Variants in MTCL1 observed in about 807,000 individuals in gnomAD.
MTCL1 encodes microtubule crosslinking factor 1.
MTCL1 carries 79 observed loss-of-function variants against 141.4 expected under a neutral mutation model. That is an observed-to-expected ratio of 0.56 (90% confidence interval 0.47 to 0.67). MTCL1 has a LOEUF of 0.67. Ranked by LOEUF, MTCL1 falls within the 30% of genes least tolerant of loss-of-function variation. The probability of loss-of-function intolerance (pLI) is 0.00; values close to 1 mark genes in which losing one functional copy is unlikely to be tolerated. For missense variants in MTCL1, 2,177 were observed against 2,113.9 expected (o/e 1.03, Z -0.59); for synonymous variants, 914 against 875.8 (o/e 1.04, Z -0.77).
intron 4 of MTCL1, among the ~76,000 whole-genome samples, chr18:8,751,449 A>G (rs951451464): frequency 2.4e-4 from 37 of 152,234 alleles, no homozygotes; most frequent in Non-Finnish European, 4.8e-4. Context: ...AAAGTGGGCC[A>G]CCTAAATCCT....
At position 8,711,929 on chromosome 18, in the gene MTCL1, G is replaced by C. The variant is rs573319281; in HGVS notation, c.1053+5216G>C. Among the ~76,000 whole-genome samples, 321 of 152,246 alleles carry C rather than the reference G, an allele frequency of 2.1e-3. 2 individuals carry two copies. The highest frequency in any genetic ancestry group is 7.1e-3 in the African/African-American group (295 of 41,552). ...AGGCTGCCAAGACTGTGTTTTGCTC[G>C]AGTGCTCGGAGACAGTCAGACAAGC... On this transcript the variant is annotated intron_variant, in intron 1 of 13. Coordinates refer to the MTCL1 transcript ENST00000306329.
chr18:8,786,005 C>G (rs375862127), exon 7 of MTCL1: 1 of 1,607,496 alleles, frequency 6.2e-7, no homozygotes. Flanking sequence ...GAGCCTGCGC[C>G]TCCGAGCCGC....
At chr18:8,767,893 C>T (rs977064355) in intron 4 of MTCL1, among the ~76,000 whole-genome samples, 2 of 152,028 alleles carry the variant, frequency 1.3e-5, no homozygotes, top group Middle Eastern at 3.2e-3. Flanking sequence ...CCAAACATTT[C>T]CAAGACAAAA....
At chr18:8,761,696 G>A (rs2096433410) in intron 4 of MTCL1, among the ~76,000 whole-genome samples, 1 of 152,202 alleles carries the variant, frequency 6.6e-6, no homozygotes, top group Non-Finnish European at 1.5e-5. Context: ...CATGGTGGAA[G>A]GTGAAAGGCA....
At chr18:8,825,880 A>C (rs758648347) in exon 15 of MTCL1, 2 of 1,614,018 alleles carry the variant, frequency 1.2e-6, no homozygotes, top group Admixed American at 1.7e-5. Context: ...CCCGTGGTGC[A>C]GGACCCCTTC....
intron 4 of MTCL1, among the ~76,000 whole-genome samples, chr18:8,747,143 C>G (rs901500799): frequency 1.2e-4 from 19 of 152,342 alleles, no homozygotes; most frequent in African/African-American, 4.6e-4. Context: ...CTCTTGTGGT[C>G]TGGACACCAC....
At chr18:8,816,627 A>G (rs1330620247) in intron 12 of MTCL1, among the ~76,000 whole-genome samples, 1 of 152,226 alleles carries the variant, frequency 6.6e-6, no homozygotes, top group Non-Finnish European at 1.5e-5. Context: ...GTACTTGTCA[A>G]GCAAAAAGGG....
chr18:8,712,565 A>G (rs2096100349), upstream of MTCL1, among the ~76,000 whole-genome samples: 1 of 152,186 alleles, frequency 6.6e-6, no homozygotes, highest in African/African-American at 2.4e-5. Flanking sequence ...CATGGACAGT[A>G]TTCCCCATTC....
intron 4 of MTCL1, among the ~76,000 whole-genome samples, chr18:8,729,745 A>G (rs1293656863): frequency 3.4e-5 from 4 of 118,734 alleles, no homozygotes; most frequent in African/African-American, 3.4e-5. Flanking sequence ...GTTTGCAAAT[A>G]TTTTCTCTTA....
exon 3 of MTCL1, chr18:8,718,647 A>C: frequency 6.2e-7 from 1 of 1,612,532 alleles, no homozygotes; most frequent in Non-Finnish European, 8.5e-7. Flanking sequence ...CAGGACTTGA[A>C]GGTGAGTGAG....
At chr18:8,793,835 G>A (rs929354016) in intron 8 of MTCL1, among the ~76,000 whole-genome samples, 1 of 152,226 alleles carries the variant, frequency 6.6e-6, no homozygotes, top group Non-Finnish European at 1.5e-5. Context: ...AATAGAGCAC[G>A]TTGGTGTTTT....
At chr18:8,769,104 A>G (rs1204134530) in intron 4 of MTCL1, among the ~76,000 whole-genome samples, 2 of 152,220 alleles carry the variant, frequency 1.3e-5, no homozygotes, top group African/African-American at 4.8e-5. Flanking sequence ...CAGGAACAGA[A>G]TATTTTCTAA....
chr18:8,743,664 G>A (rs1350319877), intron 4 of MTCL1, among the ~76,000 whole-genome samples: 1 of 152,234 alleles, frequency 6.6e-6, no homozygotes, highest in African/African-American at 2.4e-5. Flanking sequence ...AGCAATGGCG[G>A]GCTGAGAGCT....
rs1237465111 is a variant in MTCL1 at position 8,828,760 on chromosome 18, G to A, written c.4723-148G>A. 5.3e-5 allele frequency: 71 copies of A among 1,334,694 alleles called. No homozygotes were observed. The Admixed American group carries it at 7.9e-4, about 15-fold the overall frequency. The allele number at this position is 1,334,694 out of a possible 1,614,324, so 82.7% of individuals were successfully genotyped here. On this transcript the variant is annotated intron_variant, in intron 15 of 16. Transcript: ENST00000359865. This position sits in a 1 kb window ranked among gnomAD's most constrained non-coding sequence, Gnocchi z 5.2. The stretch of plus-strand genomic sequence containing the variant: ...GTGAATGTGCTAGATCTGAGAGCCC[G>A]CAAGTCTCTCCTGGTGGCTACCCCT...
At chr18:8,744,507 A>G (rs1018923339) in intron 4 of MTCL1, among the ~76,000 whole-genome samples, 2 of 152,202 alleles carry the variant, frequency 1.3e-5, no homozygotes, top group African/African-American at 4.8e-5. Context: ...ATTCTGAGAT[A>G]AAAACTTCTC....
At chr18:8,813,012 C>T (rs1312964648) in exon 12 of MTCL1, 1 of 1,613,810 alleles carries the variant, frequency 6.2e-7, no homozygotes, top group African/African-American at 1.3e-5. Context: ...GTTGGGAGAA[C>T]TAGGCTCCTC....
intron 8 of MTCL1, among the ~76,000 whole-genome samples, chr18:8,794,757 T>C (rs1188171680): frequency 6.6e-6 from 1 of 152,236 alleles, no homozygotes; most frequent in Non-Finnish European, 1.5e-5. Context: ...AGGTGAACTC[T>C]GTTCCTCATT....
At position 8,831,062 on chromosome 18, in the gene MTCL1, G is replaced by T. The variant is rs2077177515; in HGVS notation, c.*19-545G>T. On this transcript the variant is annotated intron_variant, in intron 16 of 16. Transcript: ENST00000359865. ...CATTTTTGCCATGTTGTGGGAGTTT[G>T]TTTAAGCTACTCCCAGTCAATTTCA... is the stretch of plus-strand genomic sequence containing the variant. 3.0e-6 allele frequency: 3 copies of T among 985,690 alleles called. No individual in the cohort carries two copies. The South Asian group carries it at 1.4e-4, about 46-fold the overall frequency. The allele number at this position is 985,690 out of a possible 1,614,324, so 61.1% of individuals were successfully genotyped here. A position where few individuals can be genotyped will look rare whatever the true frequency, so the allele number is the denominator to read the frequency against.
chr18:8,757,645 G>T (rs1369880671), intron 4 of MTCL1, among the ~76,000 whole-genome samples: 1 of 152,192 alleles, frequency 6.6e-6, no homozygotes, highest in East Asian at 1.9e-4. Flanking sequence ...GTGTCCCCTT[G>T]CAGAAGCACG....
Sources: allele counts gnomAD v4.1 joint callset (sites outside exome capture counted in the v4.1 genomes callset), GRCh38; gene constraint gnomAD v4.1.1; non-coding constraint Gnocchi (gnomAD v3.1); transcripts MANE v1.5; gene names NCBI Gene and HGNC (gene_info 2026-07-23, HGNC 2026-07-21).